PCDHGA1: variants seen among roughly 807,000 people sequenced by gnomAD.
PCDHGA1 encodes protocadherin gamma-A1.
A neutral mutation model predicts 58.0 loss-of-function variants in PCDHGA1; 32 were observed. The ratio of observed to expected loss-of-function variants is 0.55; its 90% CI spans 0.42 to 0.74. The LOEUF (loss-of-function observed/expected upper bound fraction) is 0.74. Ranked by LOEUF, PCDHGA1 falls within the 30% of genes least tolerant of loss-of-function variation. The pLI is 0.00. For missense variants in PCDHGA1, 1,205 were observed against 1,182.3 expected (o/e 1.02, Z -0.28); for synonymous variants, 498 against 501.1 (o/e 0.99, Z 0.08).
In PCDHGA1 at chr5:141,393,997, A is replaced by G. The variant is rs375314377; in HGVS notation, c.2421+60892A>G. ...CGTGATAATTTACCTTTTAAATTAG[A>G]AAAGTCAATAGGTAATTATTATAGA... On this transcript the variant is annotated intron_variant, in intron 1 of 3. Coordinates refer to ENST00000517417, the MANE Select transcript of PCDHGA1 (RefSeq NM_018912.3). 7.4e-6 allele frequency: 12 copies of G among 1,613,330 alleles called. 1 individual carries two copies. The African/African-American group carries it at 8.0e-5, about 11-fold the overall frequency.
chr5:141,487,516 G>A lies in PCDHGA1; in HGVS notation c.2422-7291G>A, dbSNP rs2099648095. On this transcript the variant is annotated intron_variant, in intron 1 of 3. Coordinates refer to ENST00000517417, the MANE Select transcript of PCDHGA1 (RefSeq NM_018912.3). The surrounding 1 kb of genome is among the most constrained non-coding windows in gnomAD (Gnocchi z 5.0). ...CACCCTTGGCTTCTGCACCCACTCG[G>A]AGTGATAGCTTCATGATGGTGAAGT... 6.2e-7 allele frequency: 1 copy of A among 1,614,078 alleles called. No individual in the cohort carries two copies. The highest frequency in any genetic ancestry group is 1.7e-5 in the Admixed American group (1 of 60,010).
intron 1 of PCDHGA1, chr5:141,367,307 G>A (rs540487021): frequency 1.3e-5 from 2 of 152,792 alleles, no homozygotes; most frequent in Non-Finnish European, 2.9e-5. Flanking sequence ...GGGAGGCTGA[G>A]GTGGGCGGAT....
intron 1 of PCDHGA1, chr5:141,418,007 C>T: frequency 6.2e-7 from 1 of 1,613,904 alleles, no homozygotes; most frequent in Non-Finnish European, 8.5e-7. Flanking sequence ...GGTGGGGAAC[C>T]TCGCTAAGGA....
Position 141,409,216 on chromosome 5 carries a change from T to G in PCDHGA1, c.2421+76111T>G, listed in dbSNP as rs368791778. 9.9e-6 allele frequency: 16 copies of G among 1,613,886 alleles called. No individual in the cohort carries two copies. The African/African-American group carries it at 1.1e-4, about 11-fold the overall frequency. ...AGTGTAAAGTAATCATAGAAATCCT[T>G]GATGAAAACGACAACAGCCCAGAAA... is the stretch of plus-strand genomic sequence containing the variant. On this transcript the variant is annotated intron_variant, in intron 1 of 3. Coordinates refer to ENST00000517417, the MANE Select transcript of PCDHGA1 (RefSeq NM_018912.3).
At chr5:141,436,053 A>G (rs971342534) in intron 1 of PCDHGA1, among the ~76,000 whole-genome samples, 2 of 152,232 alleles carry the variant, frequency 1.3e-5, no homozygotes, top group African/African-American at 2.4e-5. Flanking sequence ...TAGTTTTCAA[A>G]TAGAATTTAA....
intron 1 of PCDHGA1, chr5:141,384,235 A>C (rs1779874846): frequency 1.2e-6 from 2 of 1,613,774 alleles, no homozygotes; most frequent in Admixed American, 1.7e-5. Context: ...GGCAGACACC[A>C]ACGATAACCC....
chr5:141,476,850 A>C lies in PCDHGA1; in HGVS notation c.2422-17957A>C, dbSNP rs747333239. Reference sequence around the variant, plus strand: ...GCGAATGACAATGCGCCTGTCTTCAACCAGTCCTTGTACCGGGCGCGCGTC... The same window carrying C: ...GCGAATGACAATGCGCCTGTCTTCACCCAGTCCTTGTACCGGGCGCGCGTC... On this transcript the variant is annotated intron_variant, in intron 1 of 3. Transcript: ENST00000517417. The surrounding 1 kb of genome is among the most constrained non-coding windows in gnomAD (Gnocchi z 7.6). The C allele has an allele frequency of 5.6e-6, 9 of 1,613,718 alleles. No individual in the cohort carries two copies. Among genetic ancestry groups the C allele is most frequent in the Non-Finnish European group, 7.6e-6 (9 of 1,180,054 alleles).
At chr5:141,372,931 A>T in intron 1 of PCDHGA1, 1 of 890,318 alleles carries the variant, frequency 1.1e-6, no homozygotes, top group Non-Finnish European at 1.6e-6. Flanking sequence ...TTTCTGGTGT[A>T]GAGTAGGGTG....
chr5:141,395,041 T>C (rs2093154278), intron 1 of PCDHGA1: 1 of 1,613,994 alleles, frequency 6.2e-7, no homozygotes, highest in South Asian at 1.1e-5. Flanking sequence ...TTTGTGGGTG[T>C]TGAGGAGGTA....
chr5:141,407,661 T>G (rs964293417), intron 1 of PCDHGA1, among the ~76,000 whole-genome samples: 13 of 152,164 alleles, frequency 8.5e-5, no homozygotes, highest in African/African-American at 2.7e-4. Flanking sequence ...GAGCGCAGTA[T>G]ATATTAAACA....
intron 1 of PCDHGA1, chr5:141,421,032 C>A: frequency 1.9e-6 from 1 of 533,288 alleles, no homozygotes; most frequent in Non-Finnish European, 3.3e-6. Flanking sequence ...GCCATTGAGT[C>A]CCTCCCTCCC....
rs772514271 is a variant in PCDHGA1 at position 141,332,744 on chromosome 5, C to G, written c.2060C>G (p.Ser687Trp). Reference sequence around the variant, plus strand: ...GAGCCCTCCGCCAAACCCAACGATTCGGACCTCACTCTGTACCTGGTGGTG... The same window carrying G: ...GAGCCCTCCGCCAAACCCAACGATTGGGACCTCACTCTGTACCTGGTGGTG... Reference protein sequence around the residue: ...SLEPSAKPNDSDLTLYLVVAA... With the variant: ...SLEPSAKPNDWDLTLYLVVAA... The change falls in exon 1 of 4, where the codon TCG becomes TGG. Residue 687 changes from serine to tryptophan, a missense_variant. Transcript: ENST00000517417. This position sits in a 1 kb window ranked among gnomAD's most constrained non-coding sequence, Gnocchi z 4.6. 3 of 1,613,964 alleles carry G rather than the reference C, an allele frequency of 1.9e-6. No homozygotes were observed. Among genetic ancestry groups the G allele is most frequent in the South Asian group, 1.1e-5 (1 of 91,088 alleles).
At position 141,511,519 on chromosome 5, in the gene PCDHGA1, C is replaced by A; in HGVS notation, c.*346C>A. On this transcript the variant is annotated 3_prime_UTR_variant, in exon 4 of 4. Transcript: ENST00000517417. ...CCAAATCAATCAGGCCCATCCATCC[C>A]ATGCCTCCCTCCTCCCCACCCCACT... 2.7e-6 allele frequency: 1 copy of A among 367,516 alleles called. No individual in the cohort carries two copies. The highest frequency in any genetic ancestry group is 2.7e-5 in the South Asian group (1 of 36,848). 22.8% of individuals were successfully genotyped at this position (367,516 alleles called of 1,614,324 possible). A position where few individuals can be genotyped will look rare whatever the true frequency, so the allele number is the denominator to read the frequency against.
At chr5:141,468,425 T>TA (rs2099167168) in intron 1 of PCDHGA1, 1 of 151,612 alleles carries the variant, frequency 6.6e-6, no homozygotes, top group Non-Finnish European at 1.5e-5. Context: ...GATAGCAAGG[T>TA]AATAGCAAAA....
chr5:141,500,433 T>C (rs1398344932), intron 2 of PCDHGA1, among the ~76,000 whole-genome samples: 1 of 151,764 alleles, frequency 6.6e-6, no homozygotes, highest in East Asian at 1.9e-4. Context: ...ATGGTCTCGA[T>C]CTCCTGACCT....
intron 1 of PCDHGA1, among the ~76,000 whole-genome samples, chr5:141,454,796 ATTTTTTTTTTTTT>A (rs61612330): frequency 7.8e-5 from 6 of 77,408 alleles, no homozygotes; most frequent in African/African-American, 1.2e-4. Flanking sequence ...CATGGTTCTA[ATTTTTTTTTTTTT>A]TTTTTTTTTT....
chr5:141,388,094 G>A (rs2091235940), intron 1 of PCDHGA1: 1 of 1,377,208 alleles, frequency 7.3e-7, no homozygotes, highest in Non-Finnish European at 1.0e-6. Flanking sequence ...GCGTCAGTTC[G>A]GAGAAGCCTT....
At chr5:141,433,612 G>A (rs1181458593) in intron 1 of PCDHGA1, among the ~76,000 whole-genome samples, 1 of 152,082 alleles carries the variant, frequency 6.6e-6, no homozygotes, top group Non-Finnish European at 1.5e-5. Context: ...GAGGCGGGTG[G>A]ATCACCTGAG....
intron 1 of PCDHGA1, chr5:141,366,594 A>T: frequency 6.2e-7 from 1 of 1,614,242 alleles, no homozygotes; most frequent in South Asian, 1.1e-5. Context: ...ACCTATTCCC[A>T]CGAGGTCTCC....
Sources: allele counts gnomAD v4.1 joint callset (sites outside exome capture counted in the v4.1 genomes callset), GRCh38; gene constraint gnomAD v4.1.1; non-coding constraint Gnocchi (gnomAD v3.1); transcripts MANE v1.5; gene names NCBI Gene and HGNC (gene_info 2026-07-23, HGNC 2026-07-21).